Variants in RARB observed in about 807,000 individuals in gnomAD.
RARB encodes the protein retinoic acid receptor beta.
Under a neutral mutation model 51.9 loss-of-function variants are expected in RARB, and 17 were observed. That is an observed-to-expected ratio of 0.33 (90% CI 0.22 to 0.49). The LOEUF (loss-of-function observed/expected upper bound fraction) is 0.49, where lower values mean the gene tolerates loss of function less well. RARB is among the 20% of genes least tolerant of loss of function. The probability of loss-of-function intolerance (pLI) is 0.99; values close to 1 mark genes in which losing one functional copy is unlikely to be tolerated. For synonymous variants in RARB, 215 were observed against 195.4 expected, an observed-to-expected ratio of 1.10 and a Z score of -0.84; for missense variants, 369 against 550.8, an observed-to-expected ratio of 0.67 and a Z score of 3.30.
chr3:25,325,401 G>A (rs1022464970), intron 5 of RARB, among the ~76,000 whole-genome samples: 1 of 151,970 alleles, frequency 6.6e-6, no homozygotes, highest in African/African-American at 2.4e-5. Flanking sequence ...ACCTTCTGCT[G>A]AGCTCCTATC....
intron 5 of RARB, chr3:25,345,850 A>C (rs1705376766): frequency 1.1e-6 from 1 of 900,148 alleles, no homozygotes; most frequent in Admixed American, 6.2e-5. Context: ...GACACCTCCA[A>C]AATTCATTTC....
intron 2 of RARB, among the ~76,000 whole-genome samples, chr3:25,001,838 G>A (rs1697167948): frequency 6.6e-6 from 1 of 152,074 alleles, no homozygotes; most frequent in Admixed American, 6.6e-5. Context: ...ACGCATCCAT[G>A]TGTTCCATAC....
At chr3:24,916,048 C>T (rs1695100095) in intron 2 of RARB, among the ~76,000 whole-genome samples, 1 of 152,006 alleles carries the variant, frequency 6.6e-6, no homozygotes, top group African/African-American at 2.4e-5. Flanking sequence ...TTGACTGACT[C>T]AAGTGGTGGA....
intron 5 of RARB, among the ~76,000 whole-genome samples, chr3:25,189,062 C>T (rs1311014956): frequency 1.3e-5 from 2 of 152,106 alleles, no homozygotes; most frequent in Admixed American, 1.3e-4. Context: ...TGAAGTCATC[C>T]AGGCATGCAG....
At chr3:24,861,960 G>A (rs988433027) in intron 2 of RARB, among the ~76,000 whole-genome samples, 1 of 152,190 alleles carries the variant, frequency 6.6e-6, no homozygotes, top group Non-Finnish European at 1.5e-5. Flanking sequence ...CATGTAAGTG[G>A]ATCAGCTGTC....
At chr3:24,892,842 G>A (rs1703412270) in intron 2 of RARB, among the ~76,000 whole-genome samples, 1 of 152,138 alleles carries the variant, frequency 6.6e-6, no homozygotes, top group South Asian at 2.1e-4. Flanking sequence ...CATAATATAG[G>A]TATAGATGTT....
intron 3 of RARB, among the ~76,000 whole-genome samples, chr3:25,116,437 A>G (rs895861657): frequency 4.6e-5 from 7 of 152,130 alleles, no homozygotes; most frequent in Admixed American, 1.3e-4. Context: ...TTTACAAAAA[A>G]AACGAGTCGA....
At chr3:24,880,276 G>A (rs11711907) in intron 2 of RARB, among the ~76,000 whole-genome samples, 10,059 of 151,662 alleles carry the variant, frequency 0.066, 527 homozygotes, top group East Asian at 0.15. Context: ...ACATCAGAGA[G>A]ATGGAAAAAA....
chr3:25,492,206 A>C (rs1575455611), intron 2 of RARB, among the ~76,000 whole-genome samples: 1 of 152,218 alleles, frequency 6.6e-6, no homozygotes, highest in African/African-American at 2.4e-5. Flanking sequence ...TGGGGTTTTG[A>C]TAATCAGACC....
intron 3 of RARB, among the ~76,000 whole-genome samples, chr3:25,063,902 G>A (rs1359005375): frequency 6.6e-6 from 1 of 151,980 alleles, no homozygotes; most frequent in Non-Finnish European, 1.5e-5. Context: ...GCACTACTTT[G>A]TGACTTAGCA....
intron 2 of RARB, among the ~76,000 whole-genome samples, chr3:24,865,260 C>T (rs1275159024): frequency 1.3e-5 from 2 of 152,008 alleles, no homozygotes; most frequent in East Asian, 3.8e-4. Flanking sequence ...TTTACGTGCA[C>T]TCAAGTCTCA....
At chr3:25,311,256 A>G (rs1363209059) in intron 5 of RARB, among the ~76,000 whole-genome samples, 1 of 152,180 alleles carries the variant, frequency 6.6e-6, no homozygotes, top group East Asian at 1.9e-4. Flanking sequence ...ATTTGTGAAA[A>G]CAGAATGGAG....
intron 2 of RARB, among the ~76,000 whole-genome samples, chr3:24,902,411 T>TC (rs370729147): frequency 0.011 from 1,669 of 152,206 alleles, 22 homozygotes; most frequent in African/African-American, 0.038. Flanking sequence ...GGTTTTTTTT[T>TC]CCCACTTTTT....
At chr3:25,497,745 CA>C (rs1697114514) in intron 2 of RARB, among the ~76,000 whole-genome samples, 1 of 152,168 alleles carries the variant, frequency 6.6e-6, no homozygotes, top group African/African-American at 2.4e-5. Context: ...GTTGCTCCTC[CA>C]AATGGGACTG....
chr3:25,331,692 G>A (rs1042842505), intron 5 of RARB, among the ~76,000 whole-genome samples: 10 of 152,110 alleles, frequency 6.6e-5, no homozygotes, highest in East Asian at 1.9e-4. Flanking sequence ...AACTGAAGGA[G>A]ATAGAGACAC....
chr3:25,099,950 C>A (rs1466373990), intron 3 of RARB, among the ~76,000 whole-genome samples: 1 of 152,184 alleles, frequency 6.6e-6, no homozygotes, highest in Non-Finnish European at 1.5e-5. Context: ...CCTTGGCCTA[C>A]GATCTTAATT....
chr3:25,025,574 T>C (rs1306537609), intron 2 of RARB, among the ~76,000 whole-genome samples: 1 of 152,122 alleles, frequency 6.6e-6, no homozygotes, highest in Non-Finnish European at 1.5e-5. Flanking sequence ...TGTACACAGA[T>C]AAACATAAGG....
At chr3:25,209,161 G>A (rs890313776) in intron 5 of RARB, among the ~76,000 whole-genome samples, 1 of 152,110 alleles carries the variant, frequency 6.6e-6, no homozygotes, top group Non-Finnish European at 1.5e-5. Context: ...CGTTTTCATG[G>A]GTCCCAACCA....
intron 3 of RARB, among the ~76,000 whole-genome samples, chr3:25,081,731 C>T (rs1419681383): frequency 7.1e-6 from 1 of 139,892 alleles, no homozygotes; most frequent in Admixed American, 7.4e-5. Flanking sequence ...CTTCCGAGTT[C>T]AAGTGATTCT....
Sources: allele counts gnomAD v4.1 joint callset (sites outside exome capture counted in the v4.1 genomes callset), GRCh38; gene constraint gnomAD v4.1.1; transcripts MANE v1.5; gene names NCBI Gene and HGNC (gene_info 2026-07-23, HGNC 2026-07-21).